The following KCNJ15 variants were observed in gnomAD, a reference collection of about 807,000 sequenced individuals.
The protein encoded by KCNJ15 is potassium inwardly rectifying channel subfamily J member 15.
In KCNJ15, 14 loss-of-function variants were observed where a neutral mutation model predicts 23.0. The ratio of observed to expected loss-of-function variants is 0.61; its 90% CI spans 0.40 to 0.95. KCNJ15 has a LOEUF of 0.95. Among genes scored for constraint, KCNJ15 ranks in the 40% least tolerant of loss-of-function variants. The pLI is 0.00. For missense variants in KCNJ15, 388 were observed against 461.8 expected, an observed-to-expected ratio of 0.84 and a Z score of 1.46; for synonymous variants, 185 against 183.2, an observed-to-expected ratio of 1.01 and a Z score of -0.08.
upstream of KCNJ15, chr21:38,256,808 C>T (rs1474101595): frequency 6.6e-6 from 1 of 152,060 alleles, no homozygotes; most frequent in East Asian, 1.9e-4. Flanking sequence ...TTCCTTAAGA[C>T]CTTAAGACAT....
At chr21:38,286,750 G>C (rs982586708) in intron 1 of KCNJ15, among the ~76,000 whole-genome samples, 4 of 152,218 alleles carry the variant, frequency 2.6e-5, no homozygotes, top group Non-Finnish European at 5.9e-5. Flanking sequence ...GAAGCCTGGA[G>C]AATATATGGG....
In KCNJ15 at chr21:38,273,690, A is replaced by G. The variant is rs114154703; in HGVS notation, c.-117+16505A>G. ...ATAGCTTTGTGTGCACAGACCTAAA[A>G]GATTTGTAGTAGCTCTGCAGCTGCA... On this transcript the variant is annotated intron_variant, in intron 1 of 2. Coordinates refer to ENST00000398938, the MANE Select transcript of KCNJ15 (RefSeq NM_170736.3). 2.5e-3 allele frequency among the ~76,000 whole-genome samples: 378 copies of G among 152,370 alleles called. 4 individuals carry two copies. Among genetic ancestry groups the G allele is most frequent in the African/African-American group, 8.6e-3 (359 of 41,592 alleles).
chr21:38,251,365 G>A (rs939876287), intron 1 of KCNJ15, among the ~76,000 whole-genome samples: 1 of 152,194 alleles, frequency 6.6e-6, no homozygotes, highest in African/African-American at 2.4e-5. Flanking sequence ...TTTGAATAAG[G>A]CAAGAGGAAA....
At chr21:38,254,584 G>A (rs1980059009), upstream of KCNJ15, among the ~76,000 whole-genome samples, 1 of 152,166 alleles carries the variant, frequency 6.6e-6, no homozygotes, top group South Asian at 2.1e-4. Flanking sequence ...TCGATGCTGA[G>A]AAGAAGCTAC....
In KCNJ15 at chr21:38,243,963, A is replaced by G. The variant is rs62223531; in HGVS notation, c.-398-13083A>G. 7.7e-3 allele frequency among the ~76,000 whole-genome samples: 1,177 copies of G among 152,374 alleles called. 5 individuals are homozygous for G. The highest frequency in any genetic ancestry group is 0.012 in the Non-Finnish European group (809 of 68,042). ...TCCACTGTGTTTCTGAGTAAGTTAC[A>G]TGAGATCATTTAAGTTTCATTTCTA... On this transcript the variant is annotated intron_variant, in intron 1 of 4. Transcript: ENST00000547341.
At chr21:38,254,546 T>G (rs1046102605), upstream of KCNJ15, among the ~76,000 whole-genome samples, 5 of 152,224 alleles carry the variant, frequency 3.3e-5, no homozygotes, top group African/African-American at 1.2e-4. Context: ...AGTATTAAAC[T>G]GTGGTTAAAA....
intron 1 of KCNJ15, chr21:38,267,186 G>A (rs1260112943): frequency 6.6e-6 from 1 of 152,402 alleles, no homozygotes; most frequent in Non-Finnish European, 1.5e-5. Flanking sequence ...GGAGAGGTGA[G>A]AGAATGAGGA....
chr21:38,248,290 T>A (rs1409275116), intron 1 of KCNJ15, among the ~76,000 whole-genome samples: 1 of 152,224 alleles, frequency 6.6e-6, no homozygotes, highest in African/African-American at 2.4e-5. Context: ...CACACTTGAT[T>A]GCTGGGAATA....
At chr21:38,268,397 C>T (rs753052066) in intron 1 of KCNJ15, among the ~76,000 whole-genome samples, 11 of 150,414 alleles carry the variant, frequency 7.3e-5, no homozygotes, top group Middle Eastern at 3.4e-3. Context: ...GGAAGTGCTG[C>T]ATTGTAGCAG....
chr21:38,283,760 C>T (rs1983598894), intron 1 of KCNJ15, among the ~76,000 whole-genome samples: 1 of 152,168 alleles, frequency 6.6e-6, no homozygotes, highest in African/African-American at 2.4e-5. Context: ...CTATCGGACA[C>T]CATGCAGGAA....
rs1986031781 is a variant in KCNJ15, at chr21:38,305,654, A to G, written c.*5265A>G. On this transcript the variant is annotated 3_prime_UTR_variant, in exon 3 of 3. Transcript: ENST00000398938. ...TTTTTTAGGATACCTTAAATGTCTT[A>G]CATGCAACCTTTTTTTCCCCATATA... 6.6e-6 allele frequency: 1 copy of G among 152,196 alleles called. No homozygotes were observed. Among genetic ancestry groups the G allele is most frequent in the Non-Finnish European group, 1.5e-5 (1 of 68,026 alleles). The allele number at this position is 152,196 out of a possible 1,614,324, so 9.4% of individuals were successfully genotyped here. A position where few individuals can be genotyped will look rare whatever the true frequency, so the allele number is the denominator to read the frequency against.
intron 1 of KCNJ15, among the ~76,000 whole-genome samples, chr21:38,267,591 A>G (rs989463251): frequency 1.3e-5 from 2 of 152,188 alleles, no homozygotes; most frequent in African/African-American, 4.8e-5. Flanking sequence ...AGGAAGACAC[A>G]GTTAATGGCG....
At chr21:38,298,651 G>T (rs1260402140) in intron 2 of KCNJ15, among the ~76,000 whole-genome samples, 2 of 152,128 alleles carry the variant, frequency 1.3e-5, no homozygotes, top group African/African-American at 4.8e-5. Flanking sequence ...TTTAAAAAAT[G>T]CATTACTACT....
chr21:38,240,069 A>G (rs1431762521), intron 1 of KCNJ15, among the ~76,000 whole-genome samples: 1 of 152,078 alleles, frequency 6.6e-6, no homozygotes, highest in African/African-American at 2.4e-5. Context: ...ATAGTTTGAT[A>G]GTTGTACTTA....
chr21:38,288,851 C>G (rs1984265543), intron 1 of KCNJ15, among the ~76,000 whole-genome samples: 1 of 152,196 alleles, frequency 6.6e-6, no homozygotes, highest in Non-Finnish European at 1.5e-5. Context: ...GCTTACTTCC[C>G]ACGTGTCATC....
At chr21:38,274,533 T>C (rs1238191402) in intron 1 of KCNJ15, among the ~76,000 whole-genome samples, 3 of 152,226 alleles carry the variant, frequency 2.0e-5, no homozygotes, top group Admixed American at 2.0e-4. Context: ...TGGACTGTTA[T>C]CTCCCCTGTG....
upstream of KCNJ15, among the ~76,000 whole-genome samples, chr21:38,253,852 C>T (rs574765305): frequency 3.3e-5 from 5 of 152,254 alleles, 1 homozygote; most frequent in Admixed American, 3.3e-4. Context: ...AACTAAGAGT[C>T]TTTCCGTTAA....
In KCNJ15 at chr21:38,305,487, T is replaced by C. The variant is rs1369305778; in HGVS notation, c.*5098T>C. 2 of 152,244 alleles carry C rather than the reference T, an allele frequency of 1.3e-5. No homozygotes were observed. Among genetic ancestry groups the C allele is most frequent in the Admixed American group, 6.5e-5 (1 of 15,280 alleles). 9.4% of individuals were successfully genotyped at this position (152,244 alleles called of 1,614,324 possible). A position where few individuals can be genotyped will look rare whatever the true frequency, so the allele number is the denominator to read the frequency against. On this transcript the variant is annotated 3_prime_UTR_variant, in exon 3 of 3. Coordinates refer to ENST00000398938, the MANE Select transcript of KCNJ15 (RefSeq NM_170736.3). ...GGTGGAAGTCAAAGGACAGAACTGA[T>C]ACACGAGTATAAAAGCCAACGATGT...
chr21:38,277,394 G>A (rs1000135195), intron 1 of KCNJ15, among the ~76,000 whole-genome samples: 3 of 152,154 alleles, frequency 2.0e-5, no homozygotes, highest in Admixed American at 6.5e-5. Flanking sequence ...TTTTGTGCAC[G>A]TGCGTTTAGG....
Sources: allele counts gnomAD v4.1 joint callset (sites outside exome capture counted in the v4.1 genomes callset), GRCh38; gene constraint gnomAD v4.1.1; transcripts MANE v1.5; gene names NCBI Gene and HGNC (gene_info 2026-07-23, HGNC 2026-07-21).